The following DYRK4 variants were observed in gnomAD, a reference collection of about 807,000 sequenced individuals.
DYRK4 encodes the protein dual specificity tyrosine-phosphorylation-regulated kinase 4.
In DYRK4, 64 loss-of-function variants were observed where a neutral mutation model predicts 68.3. The ratio of observed to expected loss-of-function variants is 0.94; its 90% CI spans 0.77 to 1.15. The LOEUF is 1.15. Ranked by LOEUF, DYRK4 falls within the 50% of genes most tolerant of loss-of-function variation. DYRK4 has a pLI of 0.00. For missense variants in DYRK4, 740 were observed against 764.7 expected (o/e 0.97, Z 0.38); for synonymous variants, 274 against 289.9 (o/e 0.95, Z 0.56).
chr12:4,593,205 G>A (rs760184652), intron 6 of DYRK4, 40 bp downstream of exon 6: 18 of 1,602,402 alleles, frequency 1.1e-5, no homozygotes, highest in African/African-American at 4.1e-5. Context: ...CAGGGGCCCA[G>A]GGACAAGAGG....
At chr12:4,607,428 A>G in intron 12 of DYRK4, 41 bp downstream of exon 12, 2 of 1,598,916 alleles carry the variant, frequency 1.3e-6, no homozygotes, top group Non-Finnish European at 1.7e-6. Flanking sequence ...CAGGCCTTGA[A>G]GACACCTGCC....
At chr12:4,578,919 T>G (rs770293114) in intron 2 of DYRK4, among the ~76,000 whole-genome samples, 3 of 152,176 alleles carry the variant, frequency 2.0e-5, no homozygotes, top group Non-Finnish European at 4.4e-5. Context: ...CCAAGCATTG[T>G]TTTTGGTGCT....
At chr12:4,593,605 A>G (rs988042674) in intron 6 of DYRK4, among the ~76,000 whole-genome samples, 2 of 152,138 alleles carry the variant, frequency 1.3e-5, no homozygotes, top group African/African-American at 4.8e-5. Context: ...GTCACTGTAG[A>G]CCCTGGTGCA....
chr12:4,611,045 G>C (rs903957179), intron 13 of DYRK4, among the ~76,000 whole-genome samples: 1 of 152,082 alleles, frequency 6.6e-6, no homozygotes, highest in African/African-American at 2.4e-5. Flanking sequence ...ATAAAATACG[G>C]TATTCCTAAG....
At chr12:4,580,910 T>C (rs999388691) in intron 2 of DYRK4, 2 of 455,338 alleles carry the variant, frequency 4.4e-6, no homozygotes, top group African/African-American at 4.0e-5. Flanking sequence ...GAGGTGTGCC[T>C]TTCCGAAAAG....
At chr12:4,577,080 G>T (rs1206741805) in intron 2 of DYRK4, among the ~76,000 whole-genome samples, 1 of 152,064 alleles carries the variant, frequency 6.6e-6, no homozygotes, top group African/African-American at 2.4e-5. Context: ...TTACTGAACT[G>T]AAGGTCACCT....
At chr12:4,580,227 C>T (rs1944828248) in intron 2 of DYRK4, among the ~76,000 whole-genome samples, 1 of 152,206 alleles carries the variant, frequency 6.6e-6, no homozygotes, top group African/African-American at 2.4e-5. Context: ...CTCTTTCCAC[C>T]TCTACTAGGG....
At chr12:4,575,564 C>T (rs1418559024) in intron 2 of DYRK4, among the ~76,000 whole-genome samples, 2 of 152,046 alleles carry the variant, frequency 1.3e-5, no homozygotes, top group African/African-American at 4.8e-5. Flanking sequence ...CCGCCCCGAC[C>T]TCCCAAAGTG....
At chr12:4,565,486 G>A (rs925383284) in intron 1 of DYRK4, among the ~76,000 whole-genome samples, 1 of 152,176 alleles carries the variant, frequency 6.6e-6, no homozygotes, top group Admixed American at 6.5e-5. Context: ...TCAAAATCAT[G>A]GCACTGTGTG....
At chr12:4,605,729 GTTTTT>G (rs58963826) in intron 11 of DYRK4, among the ~76,000 whole-genome samples, 12,047 of 102,218 alleles carry the variant, frequency 0.12, 749 homozygotes, top group East Asian at 0.31. Context: ...ATAGAGCTGG[GTTTTT>G]TTTTTTTTTT....
chr12:4,580,342 G>A (rs578138720), intron 2 of DYRK4, among the ~76,000 whole-genome samples: 1 of 152,328 alleles, frequency 6.6e-6, no homozygotes, highest in East Asian at 1.9e-4. Flanking sequence ...GGGTCTCAGG[G>A]GTGCAGCTGT....
chr12:4,592,981 A>G (rs1454551289), intron 5 of DYRK4, 21 bp from the exon 6 acceptor site: 2 of 1,609,584 alleles, frequency 1.2e-6, no homozygotes, highest in African/African-American at 1.3e-5. Context: ...TGAACTCACA[A>G]TTGTAGTGTT....
At chr12:4,610,955 T>C (rs1945213897) in intron 13 of DYRK4, among the ~76,000 whole-genome samples, 1 of 152,216 alleles carries the variant, frequency 6.6e-6, no homozygotes, top group Admixed American at 6.5e-5. Flanking sequence ...GGTAAATCTA[T>C]CTCCACAGAG....
Position 4,596,129 on chromosome 12 carries a change from C to A in DYRK4, c.628-20C>A. The A allele has an allele frequency of 6.2e-7, 1 of 1,612,962 alleles. No individual in the cohort carries two copies. Among genetic ancestry groups the A allele is most frequent in the Non-Finnish European group, 8.5e-7 (1 of 1,179,236 alleles). ...GGGAGCCCATGGCTTTGCTCTTCAC[C>A]TCCGGCCTGGCTTCCACAGGTCCTG... On this transcript the variant is annotated intron_variant, in intron 6 of 14. Coordinates refer to ENST00000543431, the MANE Select transcript of DYRK4 (RefSeq NM_001394779.1).
chr12:4,579,918 T>A (rs1239017443), intron 2 of DYRK4, among the ~76,000 whole-genome samples: 1 of 152,136 alleles, frequency 6.6e-6, no homozygotes, highest in Middle Eastern at 3.2e-3. Flanking sequence ...GGTGGCAGCA[T>A]GAGACAGTAA....
rs1487227062 is a variant in DYRK4 at position 4,591,655 on chromosome 12, G to A, written c.463+357G>A. 8.7e-6 allele frequency: 2 copies of A among 228,750 alleles called. No individual in the cohort carries two copies. Among genetic ancestry groups the A allele is most frequent in the Non-Finnish European group, 1.7e-5 (2 of 116,610 alleles). The allele number at this position is 228,750 out of a possible 1,614,324, so 14.2% of individuals were successfully genotyped here. ...TGAGAGAGTGGAAGAGCCAGGAGTGGAAAGGTACTGAATACTGAGAGCAGA... is the reference window on the plus strand; with the variant it reads ...TGAGAGAGTGGAAGAGCCAGGAGTGAAAAGGTACTGAATACTGAGAGCAGA... On this transcript the variant is annotated intron_variant, in intron 5 of 14. Coordinates refer to ENST00000543431, the MANE Select transcript of DYRK4 (RefSeq NM_001394779.1). This position sits in a 1 kb window ranked among gnomAD's most constrained non-coding sequence, Gnocchi z 4.1.
chr12:4,596,850 A>G, intron 8 of DYRK4, 121 bp downstream of exon 8: 1 of 1,538,898 alleles, frequency 6.5e-7, no homozygotes, highest in East Asian at 2.3e-5. Flanking sequence ...TGGACATGAC[A>G]GTCACTCAGT....
chr12:4,571,706 A>G lies in DYRK4; in HGVS notation c.132+3658A>G, dbSNP rs560771080. ...TTATATGTTTATATGTTAAAATAGT[A>G]TTTTGAATATAATGTGTTAAATAAA... On this transcript the variant is annotated intron_variant, in intron 2 of 14. Transcript: ENST00000543431. Among the ~76,000 whole-genome samples the G allele has an allele frequency of 2.6e-5, 4 of 152,358 alleles. No individual in the cohort carries two copies. The South Asian group carries it at 8.3e-4, about 32-fold the overall frequency.
chr12:4,590,377 G>T lies in DYRK4; in HGVS notation c.261G>T (p.Lys87Asn). Reference protein sequence around the residue: ...SLPFVDTKGKKNTVSFPHISK... With the variant: ...SLPFVDTKGKNNTVSFPHISK... ...CCTTTGTGGACACCAAGGGGAAGAAGAATACGGTAAGCTTCCCACACATTA... is the reference window on the plus strand; with the variant it reads ...CCTTTGTGGACACCAAGGGGAAGAATAATACGGTAAGCTTCCCACACATTA... Residue 87 changes from lysine to asparagine, a missense_variant, in exon 4 of 15, where the codon AAG (lysine) becomes AAT (asparagine). Transcript: ENST00000543431. 3.9e-6 allele frequency: 6 copies of T among 1,535,962 alleles called. No individual in the cohort carries two copies. The highest frequency in any genetic ancestry group is 5.2e-6 in the Non-Finnish European group (6 of 1,146,848).
Sources: allele counts gnomAD v4.1 joint callset (sites outside exome capture counted in the v4.1 genomes callset), GRCh38; gene constraint gnomAD v4.1.1; non-coding constraint Gnocchi (gnomAD v3.1); transcripts MANE v1.5; gene names NCBI Gene and HGNC (gene_info 2026-07-23, HGNC 2026-07-21).